SCUBE1: variants seen among roughly 807,000 people sequenced by gnomAD.
SCUBE1 encodes the protein signal peptide, CUB and EGF-like domain-containing protein 1.
SCUBE1 carries 59 observed loss-of-function variants against 124.4 expected under a neutral mutation model. The observed-to-expected ratio is 0.47, with a 90% CI of 0.38 to 0.59. The LOEUF (loss-of-function observed/expected upper bound fraction) is 0.59, where lower values mean the gene tolerates loss of function less well. Ranked by LOEUF, SCUBE1 falls within the 20% of genes least tolerant of loss-of-function variation. SCUBE1 has a pLI of 0.00. For missense variants in SCUBE1, 1,150 were observed against 1,371.2 expected, an observed-to-expected ratio of 0.84 and a Z score of 2.55; for synonymous variants, 545 against 550.9, an observed-to-expected ratio of 0.99 and a Z score of 0.15.
chr22:43,303,789 A>G (rs1187850578), intron 3 of SCUBE1, among the ~76,000 whole-genome samples: 3 of 152,252 alleles, frequency 2.0e-5, no homozygotes, highest in Non-Finnish European at 4.4e-5. Flanking sequence ...GGAAAAGCTG[A>G]TCAACAATCC....
At chr22:43,335,974 T>C (rs1474488957) in intron 2 of SCUBE1, among the ~76,000 whole-genome samples, 1 of 151,906 alleles carries the variant, frequency 6.6e-6, no homozygotes, top group Non-Finnish European at 1.5e-5. Flanking sequence ...GTGATGATGA[T>C]GATGGTGATG....
intron 7 of SCUBE1, among the ~76,000 whole-genome samples, chr22:43,232,805 C>G (rs939389692): frequency 6.6e-6 from 1 of 152,190 alleles, no homozygotes; most frequent in Admixed American, 6.5e-5. Context: ...CAGCCCTGAC[C>G]CCTGTGAGCC....
At chr22:43,217,273 G>C (rs1449524050) in intron 15 of SCUBE1, among the ~76,000 whole-genome samples, 1 of 151,660 alleles carries the variant, frequency 6.6e-6, no homozygotes, top group East Asian at 2.0e-4. Flanking sequence ...ATCTCCATGT[G>C]GATGACTTGT....
intron 5 of SCUBE1, among the ~76,000 whole-genome samples, chr22:43,259,970 C>A (rs867890177): frequency 8.4e-4 from 128 of 152,332 alleles, no homozygotes; most frequent in African/African-American, 2.9e-3. Context: ...CTCACCTCAA[C>A]GGCCAGGAAG....
At position 43,221,234 on chromosome 22, in the gene SCUBE1, C is replaced by T. The variant is rs757430287; in HGVS notation, c.1488G>A (p.Lys496=). The change falls in exon 13 of 22, where the codon AAG becomes AAA. Residue 496 remains lysine, a synonymous_variant. Transcript: ENST00000360835. The stretch of plus-strand genomic sequence containing the variant: ...CCTGGCTGTGGGGCCGGAGGTGGCA[C>T]TTGGCATCTCGGATCTTGAAGCGGG... The part of the protein sequence containing the change: ...QKARFKIRDA[K]CHLRPHSQAR... 6.2e-6 allele frequency: 10 copies of T among 1,611,762 alleles called. No homozygotes were observed. Among genetic ancestry groups the T allele is most frequent in the South Asian group, 2.2e-5 (2 of 91,054 alleles).
chr22:43,298,897 A>T (rs1465647063), intron 3 of SCUBE1, among the ~76,000 whole-genome samples: 2 of 152,026 alleles, frequency 1.3e-5, no homozygotes, highest in Non-Finnish European at 2.9e-5. Flanking sequence ...CTAAAAATAC[A>T]AAAAATTAGC....
intron 6 of SCUBE1, among the ~76,000 whole-genome samples, chr22:43,244,609 C>CTG (rs1174612098): frequency 1.3e-5 from 2 of 152,208 alleles, no homozygotes; most frequent in African/African-American, 4.8e-5. Context: ...GTGCAGGGCA[C>CTG]AAGGGCGCTC....
At chr22:43,235,749 C>G (rs1018673740) in intron 7 of SCUBE1, among the ~76,000 whole-genome samples, 4 of 152,212 alleles carry the variant, frequency 2.6e-5, no homozygotes, top group Admixed American at 2.6e-4. Context: ...ATCCTCCCAA[C>G]TCCTCACTTG....
intron 6 of SCUBE1, among the ~76,000 whole-genome samples, chr22:43,240,170 G>C (rs1408391288): frequency 6.6e-6 from 1 of 152,084 alleles, no homozygotes; most frequent in Non-Finnish European, 1.5e-5. Context: ...CCTCCTCATG[G>C]TCACGGCTGA....
At chr22:43,264,628 C>G (rs771167263) in intron 4 of SCUBE1, among the ~76,000 whole-genome samples, 6 of 152,232 alleles carry the variant, frequency 3.9e-5, no homozygotes, top group Non-Finnish European at 7.3e-5. Context: ...CAGCTGTTGT[C>G]GGCGGTGGGC....
At chr22:43,305,245 C>T (rs936092498) in intron 3 of SCUBE1, among the ~76,000 whole-genome samples, 2 of 152,212 alleles carry the variant, frequency 1.3e-5, no homozygotes, top group Non-Finnish European at 2.9e-5. Flanking sequence ...CATGAAAACG[C>T]TTGCTCTATT....
At position 43,208,224 on chromosome 22, in the gene SCUBE1, G is replaced by C; in HGVS notation, c.2582C>G (p.Ala861Gly). The change falls in exon 20 of 22, where the codon GCC becomes GGC. Residue 861 changes from alanine to glycine, a missense_variant and splice_region_variant. Around this residue, in one of 3 missense-constraint regions of SCUBE1, gnomAD observed 757 missense variants for 840.9 expected, o/e 0.90. Coordinates refer to ENST00000360835, the MANE Select transcript of SCUBE1 (RefSeq NM_173050.5). ...ATAGGTGGTGATGGACGTGGGAGAG[G>C]CTGCGGGTGAAGCATCATTGCTGAG... ...CGDVLVMRKS[A>G]SPTSITTYET... is the part of the protein sequence containing the mutation. 6.2e-7 allele frequency: 1 copy of C among 1,613,884 alleles called. No individual in the cohort carries two copies. The highest frequency in any genetic ancestry group is 8.5e-7 in the Non-Finnish European group (1 of 1,179,934).
chr22:43,205,776 T>C (rs1160473726), intron 21 of SCUBE1, among the ~76,000 whole-genome samples: 10 of 22,070 alleles, frequency 4.5e-4, no homozygotes, highest in Non-Finnish European at 6.2e-4. Flanking sequence ...CACCACCCAC[T>C]CACCACACAC....
intron 4 of SCUBE1, among the ~76,000 whole-genome samples, chr22:43,277,871 T>A (rs971717578): frequency 6.6e-6 from 1 of 152,260 alleles, no homozygotes; most frequent in Non-Finnish European, 1.5e-5. Flanking sequence ...CCAGGACTTG[T>A]GGCAGAGAAG....
intron 4 of SCUBE1, 56 bp from the exon 5 acceptor site, chr22:43,262,901 A>G (rs1291794264): frequency 5.1e-6 from 8 of 1,581,154 alleles, no homozygotes; most frequent in African/African-American, 2.7e-5. Context: ...AGGGAGAGAG[A>G]AAATTTCAGG....
rs1178552038 is a variant in SCUBE1 at position 43,212,498 on chromosome 22, G to A, written c.2148C>T (p.Gly716=). 6.4e-7 allele frequency: 1 copy of A among 1,556,324 alleles called. No individual in the cohort carries two copies. Among genetic ancestry groups the A allele is most frequent in the Non-Finnish European group, 8.7e-7 (1 of 1,150,120 alleles). Residue 716 remains glycine (G), a synonymous_variant, in exon 17 of 22, where the codon GGC becomes GGT. Transcript: ENST00000360835. The stretch of plus-strand genomic sequence containing the variant: ...GCAAACCCCCTCCACAGGGGAAGCA[G>A]CCGGTGCGCCCGGGCTCAGGCTGGT... ...GTYQPEPGRT[G]CFPCGGGLLT...
At chr22:43,294,411 A>G (rs1020177927) in intron 3 of SCUBE1, among the ~76,000 whole-genome samples, 16 of 151,952 alleles carry the variant, frequency 1.1e-4, no homozygotes, top group African/African-American at 3.9e-4. Flanking sequence ...TGAGCCCAGG[A>G]CAGACTGGGC....
At chr22:43,276,069 G>C (rs1431784900) in intron 4 of SCUBE1, 1 of 152,538 alleles carries the variant, frequency 6.6e-6, no homozygotes, top group African/African-American at 2.4e-5. Context: ...CCACACAGGG[G>C]AAGGGTGAAG....
chr22:43,215,619 T>C (rs1442927688), intron 15 of SCUBE1, among the ~76,000 whole-genome samples: 2 of 152,190 alleles, frequency 1.3e-5, no homozygotes, highest in Admixed American at 1.3e-4. Flanking sequence ...AAGCTGAGGT[T>C]CCTGCTGGAC....
Sources: allele counts gnomAD v4.1 joint callset (sites outside exome capture counted in the v4.1 genomes callset), GRCh38; gene constraint gnomAD v4.1.1; regional missense constraint gnomAD v4.1.1; transcripts MANE v1.5; gene names NCBI Gene and HGNC (gene_info 2026-07-23, HGNC 2026-07-21).